The following UTRN variants were observed in gnomAD, a reference collection of about 807,000 sequenced individuals.
The protein encoded by UTRN is utrophin, also known as dystrophin-related protein 1.
A neutral mutation model predicts 463.9 loss-of-function variants in UTRN; 283 were observed. The ratio of observed to expected loss-of-function variants is 0.61; its 90% confidence interval spans 0.55 to 0.67. The LOEUF (loss-of-function observed/expected upper bound fraction) is 0.67. UTRN is among the 30% of genes least tolerant of loss of function. The pLI, the probability that UTRN is intolerant of heterozygous loss-of-function variation, is 0.00. For synonymous variants in UTRN, 1,442 were observed against 1,431.5 expected (o/e 1.01, Z -0.17); for missense variants, 3,922 against 4,084.3 (o/e 0.96, Z 1.08).
chr6:144,439,850 G>A (rs1194163077), intron 12 of UTRN, among the ~76,000 whole-genome samples: 5 of 152,086 alleles, frequency 3.3e-5, no homozygotes, highest in African/African-American at 1.2e-4. Context: ...TCTTCCCATG[G>A]AAAAGGCGAG....
At position 144,358,752 on chromosome 6, in the gene UTRN, T is replaced by C. The variant is rs59003501; in HGVS notation, c.80-44371T>C. ...TCCTCAGAAGAAGATTCCAGTATTC[T>C]TATCTTCATTGTTGAGTGCTTTTTC... On this transcript the variant is annotated intron_variant, in intron 2 of 74. Transcript: ENST00000367545. Among the ~76,000 whole-genome samples, 972 of 152,290 alleles carry C rather than the reference T, an allele frequency of 6.4e-3. 36 individuals carry two copies. In the East Asian group the frequency reaches 0.11, roughly 17 times the overall value.
intron 42 of UTRN, among the ~76,000 whole-genome samples, chr6:144,532,424 G>A (rs111508039): frequency 6.6e-6 from 1 of 152,250 alleles, no homozygotes; most frequent in African/African-American, 2.4e-5. Context: ...TTCATATGGC[G>A]GCAGGAGAGA....
intron 58 of UTRN, among the ~76,000 whole-genome samples, chr6:144,766,877 C>T (rs144326052): frequency 3.3e-5 from 5 of 152,028 alleles, no homozygotes; most frequent in African/African-American, 7.2e-5. Context: ...GTTGACAGTG[C>T]AGCACAGGAA....
chr6:144,444,344 G>T lies in UTRN; in HGVS notation c.1576G>T (p.Glu526Ter). 1 of 1,610,774 alleles carries T rather than the reference G, an allele frequency of 6.2e-7. No individual in the cohort carries two copies. The highest frequency in any genetic ancestry group is 8.5e-7 in the Non-Finnish European group (1 of 1,178,034). Residue 526 changes from glutamate to a stop codon, truncating the protein, a stop_gained, in exon 14 of 75, where the codon GAA becomes TAA. Transcript: ENST00000367545. LOFTEE classifies it high-confidence loss of function. ...TGAAGAACGCTGGAATAGGTTACAA[G>T]AAATCAATATATTGTGGCAGGAATT... ...WTEERWNRLQ[E>*]INILWQELLE...
intron 69 of UTRN, among the ~76,000 whole-genome samples, chr6:144,835,368 CAA>C (rs1343196115): frequency 1.3e-5 from 2 of 152,264 alleles, no homozygotes; most frequent in East Asian, 1.9e-4. Flanking sequence ...CAAAGCATTT[CAA>C]AGTTACTTTC....
At chr6:144,597,485 A>T (rs1803778899) in intron 51 of UTRN, among the ~76,000 whole-genome samples, 2 of 152,212 alleles carry the variant, frequency 1.3e-5, no homozygotes, top group Non-Finnish European at 2.9e-5. Context: ...ATTGTCCTTT[A>T]TGAAAGCTGT....
chr6:144,480,685 AAC>A (rs1183333892), intron 26 of UTRN, among the ~76,000 whole-genome samples: 4 of 152,200 alleles, frequency 2.6e-5, no homozygotes, highest in Non-Finnish European at 5.9e-5. Flanking sequence ...CCAAATTTCT[AAC>A]ACAGCTTCAA....
intron 52 of UTRN, among the ~76,000 whole-genome samples, chr6:144,694,289 C>T (rs1783754131): frequency 6.9e-6 from 1 of 144,354 alleles, no homozygotes; most frequent in East Asian, 2.7e-4. Flanking sequence ...TTCGGTTTGC[C>T]AGTGTTTTGT....
intron 52 of UTRN, among the ~76,000 whole-genome samples, chr6:144,694,973 CT>C (rs66962922): frequency 0.38 from 53,225 of 138,284 alleles, 10,901 homozygotes; most frequent in East Asian, 0.87. Flanking sequence ...TGCAGGTGGC[CT>C]TTTTTTTTTT....
At chr6:144,698,958 C>T (rs1013273061) in intron 52 of UTRN, among the ~76,000 whole-genome samples, 1 of 152,190 alleles carries the variant, frequency 6.6e-6, no homozygotes, top group Non-Finnish European at 1.5e-5. Flanking sequence ...CAACTGTTCT[C>T]TATTCACACT....
chr6:144,551,216 A>AT, intron 48 of UTRN, 134 bp downstream of exon 48: 1 of 567,414 alleles, frequency 1.8e-6, no homozygotes, highest in Non-Finnish European at 2.9e-6. Flanking sequence ...AGTGTTTAAT[A>AT]TTTGTTACTC....
At chr6:144,561,704 G>A (rs546304454) in intron 50 of UTRN, among the ~76,000 whole-genome samples, 1 of 152,224 alleles carries the variant, frequency 6.6e-6, no homozygotes, top group Admixed American at 6.5e-5. Flanking sequence ...AACTCACCGA[G>A]TCACCATTTC....
intron 73 of UTRN, 106 bp from the exon 74 acceptor site, chr6:144,846,699 T>C: frequency 6.7e-7 from 1 of 1,484,184 alleles, no homozygotes; most frequent in Non-Finnish European, 9.4e-7. Flanking sequence ...TGGGCTATTA[T>C]TACCCTATGT....
intron 51 of UTRN, among the ~76,000 whole-genome samples, chr6:144,617,114 A>G (rs1246574284): frequency 6.6e-6 from 1 of 152,176 alleles, no homozygotes; most frequent in Non-Finnish European, 1.5e-5. Flanking sequence ...TTGAGATATC[A>G]GTGGATAATT....
chr6:144,727,043 T>C (rs1392788877), intron 53 of UTRN, among the ~76,000 whole-genome samples: 1 of 152,196 alleles, frequency 6.6e-6, no homozygotes. Flanking sequence ...CTATTAATAG[T>C]CTAGAATTCC....
intron 51 of UTRN, among the ~76,000 whole-genome samples, chr6:144,614,553 T>C (rs1805870314): frequency 6.6e-6 from 1 of 152,160 alleles, no homozygotes; most frequent in Non-Finnish European, 1.5e-5. Flanking sequence ...GTCAGTTGCA[T>C]CACATTCTTC....
chr6:144,603,201 T>C (rs150409883), intron 51 of UTRN, among the ~76,000 whole-genome samples: 21 of 152,364 alleles, frequency 1.4e-4, no homozygotes, highest in South Asian at 2.1e-4. Flanking sequence ...TTTTGTGTTC[T>C]GGACAAATAG....
intron 9 of UTRN, among the ~76,000 whole-genome samples, chr6:144,433,548 G>A (rs1161069050): frequency 1.3e-5 from 2 of 151,540 alleles, no homozygotes; most frequent in African/African-American, 2.4e-5. Flanking sequence ...TTCTCAGATG[G>A]GGCGGCTGCC....
chr6:144,716,237 C>CTT (rs35485068), intron 53 of UTRN, among the ~76,000 whole-genome samples: 9 of 141,478 alleles, frequency 6.4e-5, no homozygotes, highest in South Asian at 2.3e-4. Context: ...TAAAATATAG[C>CTT]TTTTTTTTTT....
Sources: gnomAD v4.1 joint callset for allele counts (sites outside exome capture counted in the v4.1 genomes callset) on GRCh38, gnomAD v4.1.1 for gene constraint, MANE v1.5 for transcripts, NCBI Gene and HGNC (gene_info 2026-07-23, HGNC 2026-07-21) for gene names.